The following ATP11A variants were observed in gnomAD, a reference collection of about 807,000 sequenced individuals.
ATP11A encodes the protein ATPase phospholipid transporting 11A.
A neutral mutation model predicts 154.4 loss-of-function variants in ATP11A; 81 were observed. That is an observed-to-expected ratio of 0.52 (90% confidence interval 0.44 to 0.63). The LOEUF is 0.63. Among genes scored for constraint, ATP11A ranks in the 30% least tolerant of loss-of-function variants. The pLI, the probability that ATP11A is intolerant of heterozygous loss-of-function variation, is 0.00. For synonymous variants in ATP11A, 623 were observed against 585.9 expected, an observed-to-expected ratio of 1.06 and a Z score of -0.91; for missense variants, 1,316 against 1,474.3, an observed-to-expected ratio of 0.89 and a Z score of 1.76.
chr13:112,833,425 G>A (rs1187450420), intron 14 of ATP11A, among the ~76,000 whole-genome samples: 1 of 152,200 alleles, frequency 6.6e-6, no homozygotes, highest in African/African-American at 2.4e-5. Context: ...GCCTGGGCCG[G>A]ACAGAGCAGA....
chr13:112,773,651 CT>C (rs1444936984), intron 1 of ATP11A, among the ~76,000 whole-genome samples: 3 of 152,202 alleles, frequency 2.0e-5, no homozygotes, highest in Admixed American at 1.3e-4. Context: ...TTTTCCTGTG[CT>C]CTTTTGGGTA....
At chr13:112,756,203 A>G (rs956878694) in intron 1 of ATP11A, among the ~76,000 whole-genome samples, 15 of 152,264 alleles carry the variant, frequency 9.9e-5, no homozygotes, top group African/African-American at 3.6e-4. Flanking sequence ...CAAATTAAAT[A>G]AAACTTAGTC....
chr13:112,808,097 G>C (rs1047449604), intron 4 of ATP11A, among the ~76,000 whole-genome samples: 1 of 151,986 alleles, frequency 6.6e-6, no homozygotes, highest in African/African-American at 2.4e-5. Flanking sequence ...CAGCGGCCGG[G>C]GAGCCCGAGC....
At chr13:112,837,126 C>T (rs375395866) in intron 16 of ATP11A, among the ~76,000 whole-genome samples, 19 of 152,308 alleles carry the variant, frequency 1.2e-4, no homozygotes, top group African/African-American at 3.8e-4. Context: ...AGGCAGGGCC[C>T]GTGGGCTCCG....
chr13:112,752,207 C>T (rs938392471), intron 1 of ATP11A, among the ~76,000 whole-genome samples: 5 of 152,310 alleles, frequency 3.3e-5, no homozygotes, highest in Non-Finnish European at 7.3e-5. Context: ...CGTCTGGCAG[C>T]AGAGAAGTCA....
At chr13:112,733,356 G>A (rs1192083578) in intron 1 of ATP11A, among the ~76,000 whole-genome samples, 1 of 152,224 alleles carries the variant, frequency 6.6e-6, no homozygotes, top group African/African-American at 2.4e-5. Flanking sequence ...ATCCGCAGTG[G>A]GGACAGGATG....
rs752801643 is a variant in ATP11A at position 112,842,352 on chromosome 13, C to G, written c.1782C>G (p.Ile594Met). Residue 594 changes from isoleucine (I) to methionine (M), a missense_variant, in exon 17 of 30, where the codon ATC becomes ATG. Transcript: ENST00000375645. ...PRVIEGKVDQ[I>M]RARVERNAVE... ...TGATAGAAGGCAAAGTTGACCAGAT[C>G]CGAGCCAGAGTGGAGCGTAACGCAG... 6.2e-6 allele frequency: 10 copies of G among 1,609,842 alleles called. No individual in the cohort carries two copies. The East Asian group carries it at 2.0e-4, about 32-fold the overall frequency.
At chr13:112,701,571 G>A (rs958807833) in intron 1 of ATP11A, among the ~76,000 whole-genome samples, 10 of 152,298 alleles carry the variant, frequency 6.6e-5, no homozygotes, top group Non-Finnish European at 1.2e-4. Flanking sequence ...GGTGGCTCAT[G>A]CCTGTAATCG....
At chr13:112,844,607 G>T (rs978806307) in intron 17 of ATP11A, among the ~76,000 whole-genome samples, 5 of 152,196 alleles carry the variant, frequency 3.3e-5, no homozygotes, top group Admixed American at 2.6e-4. Flanking sequence ...TGTATCCGGC[G>T]TCTTTCACTC....
At chr13:112,704,992 C>A (rs1010430864) in intron 1 of ATP11A, among the ~76,000 whole-genome samples, 1 of 152,154 alleles carries the variant, frequency 6.6e-6, no homozygotes, top group Non-Finnish European at 1.5e-5. Flanking sequence ...CTTCACTTTC[C>A]GATAAAATGC....
chr13:112,759,997 C>T (rs954274312), intron 1 of ATP11A, among the ~76,000 whole-genome samples: 3 of 152,102 alleles, frequency 2.0e-5, no homozygotes, highest in Non-Finnish European at 4.4e-5. Flanking sequence ...GGACAGGAAC[C>T]GAAGGAAGCC....
At chr13:112,731,522 T>C (rs1325503595) in intron 1 of ATP11A, among the ~76,000 whole-genome samples, 1 of 152,178 alleles carries the variant, frequency 6.6e-6, no homozygotes, top group Non-Finnish European at 1.5e-5. Flanking sequence ...TCACTAGTTT[T>C]CTGTTTTATT....
In ATP11A at chr13:112,832,773, G is replaced by A. The variant is rs970047884; in HGVS notation, c.1396-87G>A. 71 of 1,483,794 alleles carry A rather than the reference G, an allele frequency of 4.8e-5. 1 individual carries two copies. Among genetic ancestry groups the A allele is most frequent in the South Asian group, 2.7e-4 (21 of 76,444 alleles). 91.9% of individuals were successfully genotyped at this position (1,483,794 alleles called of 1,614,324 possible). A position where few individuals can be genotyped will look rare whatever the true frequency, so the allele number is the denominator to read the frequency against. ...TGGCCGCGGGGACCCCCCCCACCCC[G>A]CTTCTTGTTATCTCTCTGCGCCTGT... is the stretch of plus-strand genomic sequence containing the variant. On this transcript the variant is annotated intron_variant, in intron 13 of 29. Coordinates refer to ENST00000375645, the MANE Select transcript of ATP11A (RefSeq NM_015205.3).
intron 1 of ATP11A, among the ~76,000 whole-genome samples, chr13:112,763,686 C>G (rs1188920832): frequency 6.6e-6 from 1 of 152,154 alleles, no homozygotes; most frequent in Non-Finnish European, 1.5e-5. Flanking sequence ...CTTCCACGAC[C>G]TCCTTATCTT....
chr13:112,693,354 G>A (rs967939489), intron 1 of ATP11A, among the ~76,000 whole-genome samples: 24 of 151,672 alleles, frequency 1.6e-4, no homozygotes, highest in Admixed American at 6.6e-5. Context: ...CGTGTGTGCC[G>A]TGGGGTAGTG....
Position 112,883,164 on chromosome 13 carries a change from TAC to T in ATP11A, c.*1299_*1300del. 2.5e-6 allele frequency: 1 copy of T among 394,554 alleles called. No homozygotes were observed. The highest frequency in any genetic ancestry group is 4.5e-6 in the Non-Finnish European group (1 of 224,476). 24.4% of individuals were successfully genotyped at this position (394,554 alleles called of 1,614,324 possible). A position where few individuals can be genotyped will look rare whatever the true frequency, so the allele number is the denominator to read the frequency against. On this transcript the variant is annotated 3_prime_UTR_variant, in exon 30 of 30. Coordinates refer to ENST00000375645, the MANE Select transcript of ATP11A (RefSeq NM_015205.3). The stretch of plus-strand genomic sequence containing the variant: ...CTCGTCCCCTTGTCCCGTCCCCACA[TAC>T]CCTCGTCCCCATGTCCCCACGCAGG...
At position 112,871,791 on chromosome 13, in the gene ATP11A, T is replaced by A; in HGVS notation, c.3048T>A (p.Val1016=). The change falls in exon 26 of 30, where the codon GTT becomes GTA. Residue 1016 remains valine, a synonymous_variant. Coordinates refer to ENST00000375645, the MANE Select transcript of ATP11A (RefSeq NM_015205.3). ...TLVFTVMVFT[V]TLKLALDTHY... The stretch of plus-strand genomic sequence containing the variant: ...TATTCACCGTGATGGTGTTCACAGT[T>A]ACACTAAAGGTAAGTGGTCTCGCGC... The A allele has an allele frequency of 6.2e-7, 1 of 1,614,190 alleles. No individual in the cohort carries two copies. Among genetic ancestry groups the A allele is most frequent in the Non-Finnish European group, 8.5e-7 (1 of 1,180,002 alleles).
chr13:112,784,891 G>T (rs1457891174), intron 1 of ATP11A, among the ~76,000 whole-genome samples: 6 of 152,166 alleles, frequency 3.9e-5, no homozygotes, highest in African/African-American at 1.4e-4. Context: ...TCACTGTGTG[G>T]CTCTCACAGG....
At chr13:112,756,864 A>T (rs1193290239) in intron 1 of ATP11A, among the ~76,000 whole-genome samples, 1 of 150,882 alleles carries the variant, frequency 6.6e-6, no homozygotes, top group Non-Finnish European at 1.5e-5. Context: ...GTCTGCTCCC[A>T]GCACGTGGTC....
Sources: gnomAD v4.1 joint callset for allele counts (sites outside exome capture counted in the v4.1 genomes callset) on GRCh38, gnomAD v4.1.1 for gene constraint, MANE v1.5 for transcripts, NCBI Gene and HGNC (gene_info 2026-07-23, HGNC 2026-07-21) for gene names.